UTS2B: variants seen among roughly 807,000 people sequenced by gnomAD.
UTS2B encodes urotensin-2B.
UTS2B carries 21 observed loss-of-function variants against 19.2 expected under a neutral mutation model. The observed-to-expected ratio is 1.09, with a 90% CI of 0.78 to 1.58. The LOEUF (loss-of-function observed/expected upper bound fraction) is 1.58, where lower values mean the gene tolerates loss of function less well. Ranked by LOEUF, UTS2B falls within the 40% of genes most tolerant of loss-of-function variation. UTS2B has a pLI of 0.00. For missense variants in UTS2B, 138 were observed against 130.3 expected, an observed-to-expected ratio of 1.06 and a Z score of -0.29; for synonymous variants, 57 against 50.2, an observed-to-expected ratio of 1.14 and a Z score of -0.58.
intron 2 of UTS2B, among the ~76,000 whole-genome samples, chr3:191,323,854 G>A (rs2108616183): frequency 6.6e-6 from 1 of 152,262 alleles, no homozygotes; most frequent in East Asian, 1.9e-4. Context: ...GAGTGAGTTG[G>A]AGAGAGAGAA....
At chr3:191,274,336 A>C (rs568235587) in intron 8 of UTS2B, among the ~76,000 whole-genome samples, 59 of 152,340 alleles carry the variant, frequency 3.9e-4, no homozygotes, top group African/African-American at 1.3e-3. Context: ...TTTTAAGTTA[A>C]GCTTACATAG....
At chr3:191,327,826 T>TA (rs1180335069) in intron 2 of UTS2B, among the ~76,000 whole-genome samples, 1 of 151,866 alleles carries the variant, frequency 6.6e-6, no homozygotes, top group African/African-American at 2.4e-5. Context: ...CACAGGAAGT[T>TA]AAAAAAAATT....
At chr3:191,287,235 A>G (rs1004117330) in intron 4 of UTS2B, among the ~76,000 whole-genome samples, 2 of 152,146 alleles carry the variant, frequency 1.3e-5, no homozygotes, top group African/African-American at 2.4e-5. Context: ...TTAAGAAGAA[A>G]TAATACTTCC....
chr3:191,334,578 G>A (rs1718083317), upstream of UTS2B, among the ~76,000 whole-genome samples: 1 of 152,112 alleles, frequency 6.6e-6, no homozygotes, highest in Admixed American at 6.5e-5. Context: ...CTGAGGCTAA[G>A]TAGCTAGGAA....
At chr3:191,336,501 A>T in the UTS2B span, among the ~76,000 whole-genome samples, 1 of 152,048 alleles carries the variant, frequency 6.6e-6, no homozygotes, top group Admixed American at 6.6e-5. Context: ...ATTTTAGCTC[A>T]TTTTAAAATC....
At chr3:191,275,922 G>A (rs1217085951) in intron 7 of UTS2B, among the ~76,000 whole-genome samples, 6 of 152,100 alleles carry the variant, frequency 3.9e-5, no homozygotes, top group Non-Finnish European at 7.4e-5. Context: ...CAGGTTTTGG[G>A]CAAAGGAAGT....
At chr3:191,282,466 C>T in intron 4 of UTS2B, 153 bp from the exon 5 acceptor site, 1 of 264,150 alleles carries the variant, frequency 3.8e-6, no homozygotes, top group Non-Finnish European at 7.2e-6. Context: ...CCGCCCACTT[C>T]ACTAAAAGCA....
Position 191,278,178 on chromosome 3 carries a change from G to T in UTS2B, c.104-8C>A. ...CTGGAAATATTTCATTTCCTATAATGATCAAAAACCACCATTTTCAATTTG... is the reference window on the plus strand; with the variant it reads ...CTGGAAATATTTCATTTCCTATAATTATCAAAAACCACCATTTTCAATTTG... On this transcript the variant is annotated splice_polypyrimidine_tract_variant and splice_region_variant and intron_variant, in intron 5 of 8. Transcript: ENST00000340524. 1 of 1,428,752 alleles carries T rather than the reference G, an allele frequency of 7.0e-7. No individual in the cohort carries two copies. The highest frequency in any genetic ancestry group is 9.5e-7 in the Non-Finnish European group (1 of 1,055,206). 88.5% of individuals were successfully genotyped at this position (1,428,752 alleles called of 1,614,324 possible).
intron 2 of UTS2B, among the ~76,000 whole-genome samples, chr3:191,321,548 A>G (rs1290115888): frequency 1.3e-5 from 2 of 152,226 alleles, no homozygotes; most frequent in Non-Finnish European, 2.9e-5. Context: ...TTCCCAAGGC[A>G]TGATTCCAAA....
intron 3 of UTS2B, among the ~76,000 whole-genome samples, chr3:191,309,952 T>C (rs1047306455): frequency 6.6e-6 from 1 of 151,842 alleles, no homozygotes; most frequent in African/African-American, 2.4e-5. Context: ...TTCTTTCTTT[T>C]TTCCTTTCTT....
At chr3:191,331,115 AC>A (rs1423082123), upstream of UTS2B, among the ~76,000 whole-genome samples, 1 of 152,102 alleles carries the variant, frequency 6.6e-6, no homozygotes, top group Non-Finnish European at 1.5e-5. Flanking sequence ...GTTATCCTTT[AC>A]TTTTGGATAT....
rs545943895 is a variant in UTS2B, at chr3:191,289,837, T to A, written c.-124-7524A>T. 3.3e-5 allele frequency among the ~76,000 whole-genome samples: 5 copies of A among 152,202 alleles called. No individual in the cohort carries two copies. In the East Asian group the frequency reaches 9.6e-4, roughly 29 times the overall value. On this transcript the variant is annotated intron_variant, in intron 4 of 8. Coordinates refer to ENST00000340524, the MANE Select transcript of UTS2B (RefSeq NM_198152.5). ...AGAGATGTTTAAAAGACACAAAATA[T>A]CAGTTAGATAGCAGAAGTTAAGTTT...
intron 3 of UTS2B, among the ~76,000 whole-genome samples, chr3:191,307,911 C>T (rs1717188255): frequency 6.6e-6 from 1 of 150,952 alleles, no homozygotes; most frequent in Non-Finnish European, 1.5e-5. Flanking sequence ...TCTCAGCTCA[C>T]CACAACCTCT....
upstream of UTS2B, among the ~76,000 whole-genome samples, chr3:191,331,550 G>A (rs950889938): frequency 6.6e-6 from 1 of 152,168 alleles, no homozygotes; most frequent in Non-Finnish European, 1.5e-5. Context: ...AAAATTCAGT[G>A]TGGCTCTTTC....
At chr3:191,334,740 A>T (rs1181198137), upstream of UTS2B, among the ~76,000 whole-genome samples, 1 of 151,950 alleles carries the variant, frequency 6.6e-6, no homozygotes, top group East Asian at 1.9e-4. Flanking sequence ...TGTTCTGTAG[A>T]TGCGAAAGAT....
intron 3 of UTS2B, among the ~76,000 whole-genome samples, chr3:191,309,963 TC>T (rs202051503): frequency 2.1e-4 from 32 of 151,666 alleles, no homozygotes; most frequent in Non-Finnish European, 2.8e-4. Flanking sequence ...TTCCTTTCTT[TC>T]TTTTTTTTCT....
At chr3:191,278,308 G>C (rs1716294078) in intron 5 of UTS2B, 138 bp from the exon 6 acceptor site, 1 of 478,068 alleles carries the variant, frequency 2.1e-6, no homozygotes, top group Non-Finnish European at 3.7e-6. Context: ...TGAAGGGATG[G>C]GTAATTTAAG....
intron 2 of UTS2B, among the ~76,000 whole-genome samples, chr3:191,317,460 G>A (rs1465390475): frequency 7.2e-6 from 1 of 138,432 alleles, no homozygotes; most frequent in Non-Finnish European, 1.6e-5. Context: ...CAGTGCAGCT[G>A]CGGGCGAAGG....
In UTS2B at chr3:191,296,940, C is replaced by A. The variant is rs557240400; in HGVS notation, c.-125+7552G>T. ...AACATGACTGTGGTTATTTGATAGG[C>A]AAATTAACTAAAAACAGATGAACAC... On this transcript the variant is annotated intron_variant, in intron 4 of 8. Coordinates refer to ENST00000340524, the MANE Select transcript of UTS2B (RefSeq NM_198152.5). Among the ~76,000 whole-genome samples, 56 of 152,158 alleles carry A rather than the reference C, an allele frequency of 3.7e-4. No individual in the cohort carries two copies. The South Asian group carries it at 0.011, about 29-fold the overall frequency.
Sources: allele counts gnomAD v4.1 joint callset (sites outside exome capture counted in the v4.1 genomes callset), GRCh38; gene constraint gnomAD v4.1.1; transcripts MANE v1.5; gene names NCBI Gene and HGNC (gene_info 2026-07-23, HGNC 2026-07-21).